Variants in CDKL4 observed in about 807,000 individuals in gnomAD.
CDKL4 encodes cyclin dependent kinase like 4, also known as cyclin-dependent kinase-like 4.
In CDKL4, 44 loss-of-function variants were observed where a neutral mutation model predicts 42.0. The observed-to-expected ratio is 1.05, with a 90% confidence interval of 0.82 to 1.35. The LOEUF (loss-of-function observed/expected upper bound fraction) is 1.35, where lower values mean the gene tolerates loss of function less well. Among genes scored for constraint, CDKL4 ranks in the 40% most tolerant of loss-of-function variants. The probability of loss-of-function intolerance (pLI) is 0.00; values close to 1 mark genes in which losing one functional copy is unlikely to be tolerated. For synonymous variants in CDKL4, 120 were observed against 121.6 expected (o/e 0.99, Z 0.09); for missense variants, 393 against 369.9 (o/e 1.06, Z -0.51).
Position 39,222,993 on chromosome 2 carries a change from G to A in CDKL4, c.290+2846C>T, listed in dbSNP as rs1335957411. Reference sequence around the variant, plus strand: ...TTTTTATTTTAAAAGTAATATATGTGCATTCACAGAAATTTGAGAAAATTT... The same window carrying A: ...TTTTTATTTTAAAAGTAATATATGTACATTCACAGAAATTTGAGAAAATTT... On this transcript the variant is annotated intron_variant, in intron 3 of 9. Coordinates refer to ENST00000451199, the Ensembl canonical transcript of CDKL4. Among the ~76,000 whole-genome samples, 20 of 151,898 alleles carry A rather than the reference G, an allele frequency of 1.3e-4. 1 individual carries two copies. The highest frequency in any genetic ancestry group is 1.3e-3 in the Admixed American group (20 of 15,258).
At chr2:39,176,192 T>C (rs957439853) in intron 9 of CDKL4, 96 bp from the exon 10 acceptor site, 2 of 380,664 alleles carry the variant, frequency 5.3e-6, no homozygotes, top group Non-Finnish European at 5.3e-6. Context: ...CAGATACTTA[T>C]GGTACAAAGA....
chr2:39,207,851 C>A (rs1459464184), intron 4 of CDKL4, among the ~76,000 whole-genome samples: 1 of 152,156 alleles, frequency 6.6e-6, no homozygotes, highest in Non-Finnish European at 1.5e-5. Flanking sequence ...CCTGTAACCC[C>A]AGCACTTTGG....
At chr2:39,183,340 G>T (rs1431763485) in intron 8 of CDKL4, among the ~76,000 whole-genome samples, 1 of 152,124 alleles carries the variant, frequency 6.6e-6, no homozygotes, top group Non-Finnish European at 1.5e-5. Context: ...GAATCTATAA[G>T]ATAGGGTGTG....
downstream of CDKL4, among the ~76,000 whole-genome samples, chr2:39,172,860 G>A (rs937951462): frequency 6.6e-6 from 1 of 152,170 alleles, no homozygotes; most frequent in African/African-American, 2.4e-5. Flanking sequence ...GGGATTACAG[G>A]CATGAGCCAC....
intron 2 of CDKL4, among the ~76,000 whole-genome samples, chr2:39,228,162 C>A (rs1393789549): frequency 6.6e-6 from 1 of 152,138 alleles, no homozygotes; most frequent in East Asian, 1.9e-4. Context: ...AGACTTGGGA[C>A]GGAGAGGCTG....
At chr2:39,236,444 C>T (rs543778027) in intron 1 of CDKL4, among the ~76,000 whole-genome samples, 73 of 152,134 alleles carry the variant, frequency 4.8e-4, no homozygotes, top group African/African-American at 1.8e-3. Flanking sequence ...CATTAATATA[C>T]AGGTCTTAAA....
chr2:39,247,089 CA>C (rs1488187985), upstream of CDKL4, among the ~76,000 whole-genome samples: 1 of 152,126 alleles, frequency 6.6e-6, no homozygotes, highest in Non-Finnish European at 1.5e-5. Context: ...TTTATTCATC[CA>C]AGTGTGCTCC....
At chr2:39,189,165 C>T (rs1676020161) in intron 6 of CDKL4, among the ~76,000 whole-genome samples, 1 of 152,218 alleles carries the variant, frequency 6.6e-6, no homozygotes, top group South Asian at 2.1e-4. Context: ...TGTCCAGCAG[C>T]CATGCTGCCA....
chr2:39,218,989 A>G (rs10174268), intron 3 of CDKL4, among the ~76,000 whole-genome samples: 135,146 of 152,176 alleles, frequency 0.89, 60,286 homozygotes, highest in Non-Finnish European at 0.94. Flanking sequence ...CTAACTCCAC[A>G]CTGTGCTTTA....
intron 8 of CDKL4, among the ~76,000 whole-genome samples, chr2:39,182,960 T>A (rs1187571534): frequency 6.6e-6 from 1 of 152,118 alleles, no homozygotes; most frequent in African/African-American, 2.4e-5. Context: ...TAAACACCAG[T>A]TATGGTAGCC....
At chr2:39,243,540 C>T (rs2148416691) in intron 1 of CDKL4, among the ~76,000 whole-genome samples, 1 of 152,370 alleles carries the variant, frequency 6.6e-6, no homozygotes, top group East Asian at 1.9e-4. Context: ...TATTTCCAGG[C>T]CTCTGGTCTT....
chr2:39,195,804 C>G (rs570475852), intron 5 of CDKL4, among the ~76,000 whole-genome samples: 66 of 152,094 alleles, frequency 4.3e-4, no homozygotes, highest in African/African-American at 1.6e-3. Flanking sequence ...CCACTGCGCC[C>G]TGCCTTATAT....
At chr2:39,238,996 C>T (rs575447621) in intron 1 of CDKL4, among the ~76,000 whole-genome samples, 11 of 152,344 alleles carry the variant, frequency 7.2e-5, no homozygotes, top group African/African-American at 2.6e-4. Context: ...AAGTGATCTG[C>T]CTGCTGTGGC....
chr2:39,226,486 T>C (rs1297814283), intron 2 of CDKL4, among the ~76,000 whole-genome samples: 2 of 143,872 alleles, frequency 1.4e-5, no homozygotes, highest in African/African-American at 5.0e-5. Context: ...TAATATATAT[T>C]ATATATTTTC....
chr2:39,240,126 A>G (rs2148411073), intron 1 of CDKL4, among the ~76,000 whole-genome samples: 1 of 148,632 alleles, frequency 6.7e-6, no homozygotes, highest in Middle Eastern at 3.8e-3. Flanking sequence ...TTAAAAATTA[A>G]CCGCCAGGCG....
At chr2:39,178,690 T>G (rs1473943534) in intron 9 of CDKL4, 1 of 1,608,892 alleles carries the variant, frequency 6.2e-7, no homozygotes, top group Admixed American at 1.7e-5. Flanking sequence ...GATGTCTGGG[T>G]TTCATTCCTT....
chr2:39,209,966 C>T (rs1032642751), intron 4 of CDKL4, among the ~76,000 whole-genome samples: 1 of 152,090 alleles, frequency 6.6e-6, no homozygotes, highest in Admixed American at 6.6e-5. Context: ...TAATTTCCAT[C>T]TTGGAGGAGG....
chr2:39,240,676 T>G (rs62138497), intron 1 of CDKL4, among the ~76,000 whole-genome samples: 1 of 115,670 alleles, frequency 8.6e-6, no homozygotes, highest in Non-Finnish European at 1.8e-5. Flanking sequence ...TAGATGAACA[T>G]TAAAAAAAAA....
chr2:39,228,940 G>T (rs1038334797), intron 2 of CDKL4, among the ~76,000 whole-genome samples: 2 of 152,192 alleles, frequency 1.3e-5, no homozygotes, highest in Non-Finnish European at 2.9e-5. Flanking sequence ...AGAACCTGGG[G>T]TGCAGTGCAG....
Sources: allele counts gnomAD v4.1 joint callset (sites outside exome capture counted in the v4.1 genomes callset), GRCh38; gene constraint gnomAD v4.1.1; transcripts MANE v1.5; gene names NCBI Gene and HGNC (gene_info 2026-07-23, HGNC 2026-07-21).